Variants in TSPEAR observed in about 807,000 individuals in gnomAD.
TSPEAR encodes thrombospondin-type laminin G domain and EAR repeat-containing protein.
Under a neutral mutation model 71.6 loss-of-function variants are expected in TSPEAR, and 69 were observed. That is an observed-to-expected ratio of 0.96 (90% CI 0.79 to 1.18). The LOEUF is 1.18. Among genes scored for constraint, TSPEAR ranks in the 50% most tolerant of loss-of-function variants. TSPEAR has a pLI of 0.00. For synonymous variants in TSPEAR, 402 were observed against 387.2 expected (o/e 1.04, Z -0.45); for missense variants, 971 against 894.9 (o/e 1.09, Z -1.09).
At chr21:44,584,626 C>T (rs455413) in intron 1 of TSPEAR, among the ~76,000 whole-genome samples, 143,909 of 152,268 alleles carry the variant, frequency 0.95, 68,155 homozygotes, top group Non-Finnish European at 0.97. Context: ...CTCTCTCTCA[C>T]ACACAATTAT....
intron 1 of TSPEAR, chr21:44,697,830 C>T: frequency 2.5e-6 from 4 of 1,613,372 alleles, no homozygotes; most frequent in Non-Finnish European, 2.5e-6. Context: ...CGCCGCGTGC[C>T]CGTCCCCTCC....
intron 2 of TSPEAR, among the ~76,000 whole-genome samples, chr21:44,556,624 G>T (rs2053534650): frequency 6.6e-6 from 1 of 152,030 alleles, no homozygotes; most frequent in South Asian, 2.1e-4. Context: ...TCTGGGAGGT[G>T]GAGGTTGCAG....
chr21:44,551,518 G>A, intron 2 of TSPEAR: 2 of 1,543,608 alleles, frequency 1.3e-6, no homozygotes, highest in Non-Finnish European at 1.7e-6. Context: ...GTGTGTGTGA[G>A]TGTGTGAGTG....
intron 1 of TSPEAR, among the ~76,000 whole-genome samples, chr21:44,649,078 G>A (rs781980000): frequency 3.9e-5 from 6 of 152,338 alleles, no homozygotes; most frequent in Admixed American, 6.5e-5. Context: ...AAGGCATCCC[G>A]TGAAACCACA....
At chr21:44,681,984 G>A in intron 1 of TSPEAR, 1 of 1,613,330 alleles carries the variant, frequency 6.2e-7, no homozygotes, top group Non-Finnish European at 8.5e-7. Context: ...GCATCTCACG[G>A]GCACACACAC....
At chr21:44,639,446 C>T (rs1983893426) in intron 1 of TSPEAR, among the ~76,000 whole-genome samples, 1 of 152,226 alleles carries the variant, frequency 6.6e-6, no homozygotes. Flanking sequence ...AGCACAGCCG[C>T]CTCGCTCACT....
At chr21:44,513,844 G>T (rs1601337144) in intron 9 of TSPEAR, among the ~76,000 whole-genome samples, 2 of 152,108 alleles carry the variant, frequency 1.3e-5, no homozygotes, top group African/African-American at 4.8e-5. Context: ...ACAAGCCCTG[G>T]TTGGGGGGGC....
chr21:44,572,507 G>A (rs190202878), intron 1 of TSPEAR, among the ~76,000 whole-genome samples: 3 of 152,116 alleles, frequency 2.0e-5, no homozygotes, highest in Admixed American at 2.0e-4. Context: ...CCAGTGCTGG[G>A]CACCTGCTGT....
intron 1 of TSPEAR, among the ~76,000 whole-genome samples, chr21:44,672,574 CAA>C (rs71199617): frequency 8.0e-5 from 12 of 150,922 alleles, no homozygotes; most frequent in African/African-American, 2.2e-4. Flanking sequence ...CGTCTCAAAA[CAA>C]AAAAAAAAGA....
intron 9 of TSPEAR, chr21:44,518,919 C>T (rs2052670807): frequency 3.9e-6 from 1 of 253,392 alleles, no homozygotes; most frequent in African/African-American, 2.2e-5. Context: ...GTGTGGAGCC[C>T]CGGGTGTTTC....
At chr21:44,616,273 C>T (rs1982088328) in intron 1 of TSPEAR, among the ~76,000 whole-genome samples, 1 of 152,228 alleles carries the variant, frequency 6.6e-6, no homozygotes, top group Non-Finnish European at 1.5e-5. Context: ...GAGGTGGACG[C>T]TCTCACGGTG....
At position 44,521,986 on chromosome 21, in the gene TSPEAR, G is replaced by A. The variant is rs2052743639; in HGVS notation, c.1463C>T (p.Ser488Leu). 10 of 1,614,164 alleles carry A rather than the reference G, an allele frequency of 6.2e-6. No homozygotes were observed. The highest frequency in any genetic ancestry group is 2.2e-5 in the South Asian group (2 of 91,078). ...GAAGGTGTTGGCCACCACCAGGAAC[G>A]AGTAGGGCCCCACACTGAAGAACTC... ...DWEFFSVGPY[S>L]FLVVANTFNG... The change falls in exon 9 of 12, where the codon TCG (serine) becomes TTG (leucine). Residue 488 changes from serine (S) to leucine (L), a missense_variant. Physicochemically the swap from Ser to Leu is moderately radical, Grantham distance 145. Coordinates refer to ENST00000323084, the MANE Select transcript of TSPEAR (RefSeq NM_144991.3).
chr21:44,580,855 C>T (rs587602382), intron 1 of TSPEAR, among the ~76,000 whole-genome samples: 14 of 152,144 alleles, frequency 9.2e-5, no homozygotes, highest in South Asian at 4.2e-4. Context: ...GTTTCTTCAT[C>T]GGTTCTTATT....
At chr21:44,551,486 G>A (rs782380665) in intron 2 of TSPEAR, 1 of 1,586,976 alleles carries the variant, frequency 6.3e-7, no homozygotes, top group Admixed American at 1.7e-5. Context: ...GTGAGCTGGG[G>A]GAGGTGTGTG....
chr21:44,629,452 C>G (rs945123693), intron 1 of TSPEAR, among the ~76,000 whole-genome samples: 4 of 152,202 alleles, frequency 2.6e-5, no homozygotes, highest in Non-Finnish European at 4.4e-5. Flanking sequence ...TGTCTCTGCC[C>G]TCATCTCCTC....
intron 1 of TSPEAR, among the ~76,000 whole-genome samples, chr21:44,675,119 T>TA (rs1243667885): frequency 2.6e-5 from 4 of 151,544 alleles, no homozygotes; most frequent in Admixed American, 2.0e-4. Context: ...AAAAATACAG[T>TA]AAAAAAAGAA....
intron 1 of TSPEAR, among the ~76,000 whole-genome samples, chr21:44,655,058 T>G (rs1483601363): frequency 6.6e-6 from 1 of 152,200 alleles, no homozygotes; most frequent in Non-Finnish European, 1.5e-5. Flanking sequence ...GCCAAACTAC[T>G]GGGCTCTATA....
At chr21:44,539,012 A>G in intron 2 of TSPEAR, 1 of 565,656 alleles carries the variant, frequency 1.8e-6, no homozygotes, top group Non-Finnish European at 3.1e-6. Flanking sequence ...ATTGGGGAGC[A>G]GGAGGAGGTG....
At chr21:44,534,460 G>C in intron 2 of TSPEAR, among the ~76,000 whole-genome samples, 1 of 146,990 alleles carries the variant, frequency 6.8e-6, no homozygotes. Context: ...CGGGGCTGGT[G>C]TGTGAGGGGT....
Sources: gnomAD v4.1 joint callset for allele counts (sites outside exome capture counted in the v4.1 genomes callset) on GRCh38, gnomAD v4.1.1 for gene constraint, MANE v1.5 for transcripts, NCBI Gene and HGNC (gene_info 2026-07-23, HGNC 2026-07-21) for gene names.